TRAF2: variants seen among roughly 807,000 people sequenced by gnomAD.
The protein encoded by TRAF2 is TNF receptor-associated factor 2.
A neutral mutation model predicts 55.6 loss-of-function variants in TRAF2; 6 were observed. The ratio of observed to expected loss-of-function variants is 0.11; its 90% CI spans 0.06 to 0.21. The LOEUF (loss-of-function observed/expected upper bound fraction) is 0.21, where lower values mean the gene tolerates loss of function less well. Ranked by LOEUF, TRAF2 falls within the 10% of genes least tolerant of loss-of-function variation. The pLI is 1.00. For synonymous variants in TRAF2, 329 were observed against 276.3 expected (o/e 1.19, Z -1.89); for missense variants, 561 against 684.5 (o/e 0.82, Z 2.01).
intron 4 of TRAF2, among the ~76,000 whole-genome samples, chr9:136,902,637 G>A (rs894270096): frequency 6.6e-6 from 1 of 152,202 alleles, no homozygotes; most frequent in African/African-American, 2.4e-5. Flanking sequence ...GGTCATGTGG[G>A]AGGGGCGGGC....
rs779847946 is a variant in TRAF2 at position 136,899,675 on chromosome 9, A to G, written c.267+3A>G. The stretch of plus-strand genomic sequence containing the variant: ...TTTCTATTTTAGAAAGCAGTTCGGT[A>G]AGTAAAATGTCTTGAAGCTAAAAAT... On this transcript the variant is annotated splice_donor_region_variant and intron_variant, in intron 3 of 10. Transcript: ENST00000247668. The G allele has an allele frequency of 5.6e-6, 9 of 1,611,256 alleles. No homozygotes were observed. The East Asian group carries it at 2.0e-4, about 36-fold the overall frequency.
chr9:136,899,412 A>C (rs574027380), intron 2 of TRAF2, among the ~76,000 whole-genome samples, 182 bp from the exon 3 acceptor site: 1 of 151,938 alleles, frequency 6.6e-6, no homozygotes, highest in Non-Finnish European at 1.5e-5. Context: ...TGATAAAAAC[A>C]GTGTGCTGTG....
Position 136,893,819 on chromosome 9 carries a change from G to A in TRAF2, c.-28-4894G>A, listed in dbSNP as rs1297211519. 5.3e-5 allele frequency among the ~76,000 whole-genome samples: 8 copies of A among 151,604 alleles called. No homozygotes were observed. The South Asian group carries it at 1.3e-3, about 24-fold the overall frequency. ...GGCTGGAGTGCAGTGGTGCAATATC[G>A]GCTCACTGCAACCTCTCCTTCCCGG... On this transcript the variant is annotated intron_variant, in intron 1 of 10. Transcript: ENST00000247668.
chr9:136,882,972 G>C (rs764948812), upstream of TRAF2, among the ~76,000 whole-genome samples: 1 of 152,244 alleles, frequency 6.6e-6, no homozygotes, highest in Admixed American at 6.5e-5. Flanking sequence ...GCAGGTTCAA[G>C]CGATTTTCCT....
Position 136,925,887 on chromosome 9 carries a change from C to G in TRAF2, c.1492C>G (p.Leu498Val), listed in dbSNP as rs1315820311. 6.2e-7 allele frequency: 1 copy of G among 1,614,188 alleles called. No individual in the cohort carries two copies. The highest frequency in any genetic ancestry group is 1.3e-5 in the African/African-American group (1 of 75,058). ...DAIFIKAIVD[L>V]TGL Reference sequence around the variant, plus strand: ...CATCTTCATCAAGGCCATTGTGGACCTGACAGGGCTCTAACTGCCCCCTAC... The same window carrying G: ...CATCTTCATCAAGGCCATTGTGGACGTGACAGGGCTCTAACTGCCCCCTAC... Residue 498 changes from leucine (L) to valine (V), a missense_variant, in exon 11 of 11, where the codon CTG (leucine) becomes GTG (valine). Physicochemically the swap from Leu to Val is conservative, Grantham distance 32 (BLOSUM62 1). This residue lies in a region of TRAF2 where 135 missense variants were observed against 207.7 expected (regional missense o/e 0.65). Transcript: ENST00000247668.
rs66521080 is a variant in TRAF2, at chr9:136,903,549, TA to T, written c.366+3032del. ...GAATAAATATTGATTTTTTTTTTTT[TA>T]AACTGTGTCTGCTGTGGGTGGGGAG... is the stretch of plus-strand genomic sequence containing the variant. On this transcript the variant is annotated intron_variant, in intron 4 of 10. Coordinates refer to ENST00000247668, the MANE Select transcript of TRAF2 (RefSeq NM_021138.4). 2.0e-3 allele frequency among the ~76,000 whole-genome samples: 307 copies of T among 151,274 alleles called. 1 individual carries two copies. The highest frequency in any genetic ancestry group is 7.0e-3 in the African/African-American group (288 of 41,116).
At chr9:136,914,220 T>G (rs1850188029) in intron 6 of TRAF2, among the ~76,000 whole-genome samples, 1 of 152,186 alleles carries the variant, frequency 6.6e-6, no homozygotes, top group African/African-American at 2.4e-5. Flanking sequence ...TGGCTTCCAG[T>G]TCCATGGACG....
chr9:136,903,129 CTAG>C (rs1267020673), intron 4 of TRAF2, among the ~76,000 whole-genome samples: 1 of 152,046 alleles, frequency 6.6e-6, no homozygotes. Flanking sequence ...TTTTATATTT[CTAG>C]TAGAGATGGG....
In TRAF2 at chr9:136,909,966, G is replaced by A. The variant is rs746259933; in HGVS notation, c.575G>A (p.Cys192Tyr). Residue 192 changes from cysteine to tyrosine, a missense_variant, in exon 6 of 11, where the codon TGC becomes TAC. Physicochemically the swap from Cys to Tyr is radical, Grantham distance 194. Coordinates refer to ENST00000247668, the MANE Select transcript of TRAF2 (RefSeq NM_021138.4). ...AAGTTCCCCTTAACTTGTGACGGCT[G>A]CGGCAAGAAGAAGATCCCCCGGGAG... ...CPKFPLTCDG[C>Y]GKKKIPREKF... 2.5e-5 allele frequency: 41 copies of A among 1,613,992 alleles called. No individual in the cohort carries two copies. The highest frequency in any genetic ancestry group is 3.4e-5 in the Non-Finnish European group (40 of 1,180,014).
At chr9:136,913,051 C>T (rs1341883179) in intron 6 of TRAF2, among the ~76,000 whole-genome samples, 7 of 152,034 alleles carry the variant, frequency 4.6e-5, no homozygotes, top group East Asian at 2.0e-4. Context: ...ACAGGAGAAT[C>T]GCCTGAACCC....
intron 9 of TRAF2, among the ~76,000 whole-genome samples, chr9:136,921,950 G>A (rs1850397061): frequency 6.6e-6 from 1 of 152,198 alleles, no homozygotes; most frequent in South Asian, 2.1e-4. Flanking sequence ...TTGTTGCCAT[G>A]GCTCAGAACA....
At chr9:136,888,509 G>A (rs1468366115) in intron 1 of TRAF2, among the ~76,000 whole-genome samples, 2 of 152,206 alleles carry the variant, frequency 1.3e-5, no homozygotes, top group African/African-American at 4.8e-5. Context: ...TGTTGGTGGA[G>A]ACATGAATTG....
intron 1 of TRAF2, chr9:136,886,753 C>A: frequency 3.7e-6 from 1 of 267,886 alleles, no homozygotes; most frequent in Non-Finnish European, 5.8e-6. Flanking sequence ...CCGAGCGTGG[C>A]TGGCGCGGGA....
chr9:136,921,468 G>A (rs912263270), intron 9 of TRAF2, among the ~76,000 whole-genome samples: 1 of 152,122 alleles, frequency 6.6e-6, no homozygotes, highest in Non-Finnish European at 1.5e-5. Context: ...AGCCCTCGAG[G>A]TGTGCCCCTC....
chr9:136,913,668 A>G (rs1264403143), intron 6 of TRAF2, among the ~76,000 whole-genome samples: 2 of 152,020 alleles, frequency 1.3e-5, no homozygotes, highest in Non-Finnish European at 2.9e-5. Context: ...TATATAGTTC[A>G]TTTGCTTCAG....
chr9:136,889,933 G>T (rs557337159), intron 1 of TRAF2, among the ~76,000 whole-genome samples: 1 of 150,870 alleles, frequency 6.6e-6, no homozygotes, highest in African/African-American at 2.4e-5. Context: ...TGTTCAGCTC[G>T]TCACCGCGTG....
intron 1 of TRAF2, among the ~76,000 whole-genome samples, chr9:136,889,167 A>C (rs1849521599): frequency 7.1e-6 from 1 of 140,774 alleles, no homozygotes. Context: ...GGGCTTTTTT[A>C]CGTTAAAACT....
At chr9:136,919,002 T>C (rs1053875680) in intron 7 of TRAF2, among the ~76,000 whole-genome samples, 1 of 151,478 alleles carries the variant, frequency 6.6e-6, no homozygotes, top group Non-Finnish European at 1.5e-5. Context: ...CCCAAAGTAC[T>C]GGGATTACAG....
intron 9 of TRAF2, among the ~76,000 whole-genome samples, chr9:136,921,734 G>GA (rs1175306947): frequency 6.6e-6 from 1 of 151,624 alleles, no homozygotes; most frequent in African/African-American, 2.4e-5. Context: ...GGTCTCTTGA[G>GA]AGGGTGCTCG....
Sources: allele counts gnomAD v4.1 joint callset (sites outside exome capture counted in the v4.1 genomes callset), GRCh38; gene constraint gnomAD v4.1.1; regional missense constraint gnomAD v4.1.1; transcripts MANE v1.5; gene names NCBI Gene and HGNC (gene_info 2026-07-23, HGNC 2026-07-21).